Variants in KCNH7 observed in about 807,000 individuals in gnomAD.
The protein encoded by KCNH7 is voltage-gated inwardly rectifying potassium channel KCNH7.
Under a neutral mutation model 120.8 loss-of-function variants are expected in KCNH7, and 49 were observed. That is an observed-to-expected ratio of 0.41 (90% CI 0.32 to 0.51). The LOEUF is 0.51. Among genes scored for constraint, KCNH7 ranks in the 20% least tolerant of loss-of-function variants. The pLI is 0.38. For missense variants in KCNH7, 1,097 were observed against 1,446.6 expected, an observed-to-expected ratio of 0.76 and a Z score of 3.92; for synonymous variants, 547 against 516.1, an observed-to-expected ratio of 1.06 and a Z score of -0.81.
intron 3 of KCNH7, among the ~76,000 whole-genome samples, chr2:162,520,256 C>G (rs544311630): frequency 6.8e-6 from 1 of 147,146 alleles, no homozygotes; most frequent in Admixed American, 6.9e-5. Flanking sequence ...TCTCTCTCTT[C>G]CACTCATCCC....
intron 2 of KCNH7, among the ~76,000 whole-genome samples, chr2:162,564,652 G>C (rs1448250497): frequency 6.6e-6 from 1 of 152,012 alleles, no homozygotes; most frequent in Non-Finnish European, 1.5e-5. Flanking sequence ...GCATGACCTT[G>C]ACCACTAATT....
intron 2 of KCNH7, among the ~76,000 whole-genome samples, chr2:162,615,650 A>G (rs1215047299): frequency 6.6e-6 from 1 of 152,154 alleles, no homozygotes; most frequent in South Asian, 2.1e-4. Flanking sequence ...ATTACTTATC[A>G]TTTATGCAAC....
intron 2 of KCNH7, among the ~76,000 whole-genome samples, chr2:162,813,609 G>C (rs982957271): frequency 2.6e-5 from 4 of 152,278 alleles, no homozygotes; most frequent in African/African-American, 9.6e-5. Flanking sequence ...TGTTCACACA[G>C]CTTTAAAAAT....
In KCNH7 at chr2:162,601,176, C is replaced by T. The variant is rs372223236; in HGVS notation, c.308-64096G>A. Among the ~76,000 whole-genome samples the T allele has an allele frequency of 2.1e-4, 32 of 151,956 alleles. No homozygotes were observed. The South Asian group carries it at 4.3e-3, about 21-fold the overall frequency. On this transcript the variant is annotated intron_variant, in intron 2 of 15. Coordinates refer to ENST00000332142, the MANE Select transcript of KCNH7 (RefSeq NM_033272.4). ...ATGTGATTGGTTAATGTATGGTTCA[C>T]GATGCTCCAGTTTATGAAAGTCTGA...
chr2:162,692,124 G>GTTTT (rs71410029), intron 2 of KCNH7, among the ~76,000 whole-genome samples: 6 of 144,666 alleles, frequency 4.1e-5, no homozygotes, highest in Admixed American at 7.0e-5. Context: ...ACAACATTGA[G>GTTTT]TTTTTTTTTT....
intron 2 of KCNH7, among the ~76,000 whole-genome samples, chr2:162,551,595 T>C (rs1206032082): frequency 6.6e-6 from 1 of 151,970 alleles, no homozygotes; most frequent in Non-Finnish European, 1.5e-5. Flanking sequence ...ACTGAGAATA[T>C]ACTAAGGGAA....
intron 6 of KCNH7, among the ~76,000 whole-genome samples, chr2:162,455,824 T>C (rs1007696846): frequency 6.6e-6 from 1 of 152,186 alleles, no homozygotes; most frequent in East Asian, 1.9e-4. Context: ...TTGATTCTTC[T>C]CTTTTCTTCT....
intron 2 of KCNH7, among the ~76,000 whole-genome samples, chr2:162,630,354 T>C (rs186739608): frequency 3.3e-5 from 5 of 151,702 alleles, no homozygotes; most frequent in African/African-American, 4.8e-5. Context: ...TGAAGCTAGA[T>C]GAGATTATCT....
intron 2 of KCNH7, among the ~76,000 whole-genome samples, chr2:162,793,861 T>TA (rs1403961203): frequency 6.6e-6 from 1 of 151,992 alleles, no homozygotes; most frequent in Non-Finnish European, 1.5e-5. Flanking sequence ...CATGTAAATA[T>TA]AATGTACAGG....
rs1322090467 is a variant in KCNH7 at position 162,423,343 on chromosome 2, A to G, written c.2147T>C (p.Met716Thr). 6.2e-7 allele frequency: 1 copy of G among 1,614,104 alleles called. No homozygotes were observed. Among genetic ancestry groups the G allele is most frequent in the Admixed American group, 1.7e-5 (1 of 60,018 alleles). ...HAWTYTNGID[M>T]NMVLKGFPEC... Reference sequence around the variant, plus strand: ...GAAAACAGACATACATACCATGTTCATGTCAATGCCATTGGTGTAAGTCCA... The same window carrying G: ...GAAAACAGACATACATACCATGTTCGTGTCAATGCCATTGGTGTAAGTCCA... The change falls in exon 9 of 16, where the codon ATG becomes ACG. Residue 716 changes from methionine (M) to threonine (T), a missense_variant. Around this residue, in one of 8 missense-constraint regions of KCNH7, gnomAD observed 101 missense variants for 176.3 expected, o/e 0.57. Transcript: ENST00000332142.
chr2:162,514,197 C>T (rs145901913), intron 4 of KCNH7, among the ~76,000 whole-genome samples: 1 of 151,924 alleles, frequency 6.6e-6, no homozygotes, highest in East Asian at 2.0e-4. Flanking sequence ...TGCTCGTAGA[C>T]ATTGCATTGG....
chr2:162,627,614 C>T (rs1047690273), intron 2 of KCNH7, among the ~76,000 whole-genome samples: 6 of 152,094 alleles, frequency 3.9e-5, no homozygotes, highest in African/African-American at 1.2e-4. Context: ...GATTGATTTT[C>T]ATATTTCATG....
At position 162,524,344 on chromosome 2, in the gene KCNH7, G is replaced by C. The variant is rs150446665; in HGVS notation, c.464-6186C>G. ...GCCACACCACGGCAAAGGCCATAAT[G>C]CTGGATAAGGTAGTTTCCTGCCTTA... On this transcript the variant is annotated intron_variant, in intron 3 of 15. Transcript: ENST00000332142. Among the ~76,000 whole-genome samples the C allele has an allele frequency of 5.4e-3, 829 of 152,122 alleles. 11 individuals carry two copies. The highest frequency in any genetic ancestry group is 0.019 in the African/African-American group (802 of 41,562).
chr2:162,627,793 T>A (rs1683610852), intron 2 of KCNH7, among the ~76,000 whole-genome samples: 2 of 152,260 alleles, frequency 1.3e-5, no homozygotes, highest in South Asian at 4.1e-4. Context: ...AACATTCAAA[T>A]TTTTCTAGTG....
intron 2 of KCNH7, among the ~76,000 whole-genome samples, chr2:162,661,005 A>T (rs934045024): frequency 2.0e-5 from 3 of 152,226 alleles, no homozygotes; most frequent in Non-Finnish European, 4.4e-5. Flanking sequence ...CAAGGAATCT[A>T]TCTTACAGTA....
At chr2:162,443,260 T>C (rs531336150) in intron 7 of KCNH7, among the ~76,000 whole-genome samples, 1 of 152,170 alleles carries the variant, frequency 6.6e-6, no homozygotes, top group African/African-American at 2.4e-5. Flanking sequence ...TACTGACATA[T>C]TATTTTTCTA....
At chr2:162,787,524 C>T (rs1005969664) in intron 2 of KCNH7, among the ~76,000 whole-genome samples, 1 of 152,066 alleles carries the variant, frequency 6.6e-6, no homozygotes, top group African/African-American at 2.4e-5. Context: ...GGATCTTGGA[C>T]CCAGGTCCAC....
intron 6 of KCNH7, among the ~76,000 whole-genome samples, chr2:162,448,588 TGA>T (rs1409748138): frequency 2.0e-5 from 3 of 152,106 alleles, no homozygotes; most frequent in Non-Finnish European, 4.4e-5. Context: ...TATATTTGTG[TGA>T]GTTTGCTCAC....
chr2:162,722,805 C>CTTTTTTTT (rs370399268), intron 2 of KCNH7, among the ~76,000 whole-genome samples: 1 of 79,876 alleles, frequency 1.3e-5, no homozygotes, highest in African/African-American at 7.6e-5. Context: ...TTCATTCATT[C>CTTTTTTTT]TTTTTTTCTT....
Sources: allele counts gnomAD v4.1 joint callset (sites outside exome capture counted in the v4.1 genomes callset), GRCh38; gene constraint gnomAD v4.1.1; regional missense constraint gnomAD v4.1.1; transcripts MANE v1.5; gene names NCBI Gene and HGNC (gene_info 2026-07-23, HGNC 2026-07-21).